ADAM19: variants seen among roughly 807,000 people sequenced by gnomAD.
The protein encoded by ADAM19 is ADAM metallopeptidase domain 19.
Under a neutral mutation model 114.7 loss-of-function variants are expected in ADAM19, and 65 were observed. The ratio of observed to expected loss-of-function variants is 0.57; its 90% confidence interval spans 0.46 to 0.70. ADAM19 has a LOEUF of 0.70. Among genes scored for constraint, ADAM19 ranks in the 30% least tolerant of loss-of-function variants. ADAM19 has a pLI of 0.00. For synonymous variants in ADAM19, 466 were observed against 460.5 expected, an observed-to-expected ratio of 1.01 and a Z score of -0.15; for missense variants, 1,063 against 1,204.7, an observed-to-expected ratio of 0.88 and a Z score of 1.74.
chr5:157,534,948 G>A lies in ADAM19; in HGVS notation c.330+2965C>T, dbSNP rs114551186. Among the ~76,000 whole-genome samples, 869 of 152,296 alleles carry A rather than the reference G, an allele frequency of 5.7e-3. 11 individuals carry two copies. Among genetic ancestry groups the A allele is most frequent in the African/African-American group, 0.02 (819 of 41,574 alleles). On this transcript the variant is annotated intron_variant, in intron 4 of 22. Coordinates refer to ENST00000257527, the MANE Select transcript of ADAM19 (RefSeq NM_033274.5). ...TATCCCCACCTTCTCTAGCAACAAA[G>A]GAGACAAGTTCTAGCCTAAGCCTTG... is the stretch of plus-strand genomic sequence containing the variant.
chr5:157,481,153 AC>A, intron 22 of ADAM19, 151 bp from the exon 23 acceptor site: 1 of 1,002,510 alleles, frequency 1.0e-6, no homozygotes, highest in South Asian at 1.6e-5. Context: ...GTGTCCACTC[AC>A]CCAGACCATC....
intron 7 of ADAM19, among the ~76,000 whole-genome samples, chr5:157,515,393 A>T (rs2113734577): frequency 6.6e-6 from 1 of 152,330 alleles, no homozygotes; most frequent in Non-Finnish European, 1.5e-5. Flanking sequence ...TAATTTAAGG[A>T]GCGAATTCTG....
At chr5:157,519,445 C>T (rs6881590) in intron 6 of ADAM19, among the ~76,000 whole-genome samples, 23,671 of 152,130 alleles carry the variant, frequency 0.16, 1,965 homozygotes, top group Middle Eastern at 0.2. Flanking sequence ...CCATCATGCC[C>T]AGCTAATTTT....
chr5:157,494,544 C>T (rs1024115200), intron 15 of ADAM19, 143 bp downstream of exon 15: 5 of 618,688 alleles, frequency 8.1e-6, no homozygotes, highest in African/African-American at 1.8e-5. Context: ...AACAGGGGGC[C>T]GAGAATAGAT....
chr5:157,486,408 G>C (rs1351249446), intron 21 of ADAM19, among the ~76,000 whole-genome samples: 2 of 152,182 alleles, frequency 1.3e-5, no homozygotes, highest in Non-Finnish European at 2.9e-5. Context: ...AGGAGAAGCT[G>C]TGCTTGGGGG....
intron 3 of ADAM19, among the ~76,000 whole-genome samples, chr5:157,561,426 C>T (rs115229597): frequency 0.015 from 2,302 of 152,244 alleles, 50 homozygotes; most frequent in African/African-American, 0.052. Context: ...AGGCCAGACA[C>T]GGCAGGATGA....
intron 8 of ADAM19, among the ~76,000 whole-genome samples, chr5:157,509,799 G>A (rs910306881): frequency 5.9e-5 from 9 of 152,190 alleles, no homozygotes; most frequent in Non-Finnish European, 1.2e-4. Context: ...ACATAAAATT[G>A]CTTTCAGATA....
intron 22 of ADAM19, 193 bp downstream of exon 22, chr5:157,481,598 C>T (rs559126663): frequency 7.8e-6 from 12 of 1,529,810 alleles, no homozygotes; most frequent in Admixed American, 2.0e-5. Flanking sequence ...CTAAGAATCA[C>T]CTTTCACATG....
intron 21 of ADAM19, among the ~76,000 whole-genome samples, chr5:157,483,775 A>G (rs951662059): frequency 6.6e-5 from 10 of 151,836 alleles, no homozygotes; most frequent in African/African-American, 2.4e-4. Context: ...TTGGGATTAC[A>G]GGCACCCACC....
chr5:157,534,131 ATACAC>A (rs1232327980), intron 4 of ADAM19, among the ~76,000 whole-genome samples: 1 of 152,158 alleles, frequency 6.6e-6, no homozygotes, highest in East Asian at 1.9e-4. Context: ...GAGCTTTCAC[ATACAC>A]TATCTCTTGT....
intron 3 of ADAM19, among the ~76,000 whole-genome samples, chr5:157,559,772 T>C (rs1181130664): frequency 2.0e-5 from 3 of 152,166 alleles, no homozygotes; most frequent in African/African-American, 7.2e-5. Context: ...GCTCTGTAGT[T>C]TCCCTTCTTG....
chr5:157,567,869 C>T (rs936242821), intron 2 of ADAM19, among the ~76,000 whole-genome samples: 1 of 152,004 alleles, frequency 6.6e-6, no homozygotes, highest in Admixed American at 6.6e-5. Context: ...TTCCCTCATC[C>T]AAGAGGTAGG....
chr5:157,549,018 T>C (rs932061455), intron 3 of ADAM19, among the ~76,000 whole-genome samples: 4 of 152,190 alleles, frequency 2.6e-5, no homozygotes, highest in Non-Finnish European at 5.9e-5. Flanking sequence ...AAGCCATCAA[T>C]GCCTTGTGCT....
chr5:157,560,603 G>A (rs1251259863), intron 3 of ADAM19, among the ~76,000 whole-genome samples: 1 of 152,184 alleles, frequency 6.6e-6, no homozygotes, highest in Non-Finnish European at 1.5e-5. Flanking sequence ...GGAAATGCTG[G>A]AGCAATATGT....
chr5:157,507,449 T>G (rs1755782519), intron 9 of ADAM19, among the ~76,000 whole-genome samples: 1 of 152,244 alleles, frequency 6.6e-6, no homozygotes, highest in African/African-American at 2.4e-5. Context: ...AAAGCTGCAT[T>G]GCATTCCTGC....
Position 157,493,072 on chromosome 5 carries a change from G to C in ADAM19, c.1809C>G (p.Ile603Met). ...GGTAGACGTGGGTGCCCCGGCACTG[G>C]ATCTGCCTCCCATTCATGATGATAG... ...DTTIIMNGRQIQCRGTHVYRG... is the reference protein window; with the variant it reads ...DTTIIMNGRQMQCRGTHVYRG... The change falls in exon 16 of 23, where the codon ATC becomes ATG. Residue 603 changes from isoleucine to methionine, a missense_variant. Coordinates refer to ENST00000257527, the MANE Select transcript of ADAM19 (RefSeq NM_033274.5). The C allele has an allele frequency of 6.2e-7, 1 of 1,614,224 alleles. No individual in the cohort carries two copies.
At chr5:157,504,722 C>T (rs1755684799) in intron 11 of ADAM19, among the ~76,000 whole-genome samples, 2 of 152,178 alleles carry the variant, frequency 1.3e-5, no homozygotes, top group Admixed American at 1.3e-4. Flanking sequence ...TGATGCCTTC[C>T]AAAGAGCCTG....
At chr5:157,518,782 A>C in intron 7 of ADAM19, 41 bp downstream of exon 7, 1 of 1,487,576 alleles carries the variant, frequency 6.7e-7, no homozygotes, top group Non-Finnish European at 9.4e-7. Context: ...GAAGCTATCA[A>C]GAGAGCAGTT....
intron 1 of ADAM19, among the ~76,000 whole-genome samples, chr5:157,575,223 G>A (rs1210586740): frequency 6.6e-6 from 1 of 152,208 alleles, no homozygotes; most frequent in Non-Finnish European, 1.5e-5. Context: ...CGAGTGCAGC[G>A]GGCGGTAGAG....
Sources: allele counts gnomAD v4.1 joint callset (sites outside exome capture counted in the v4.1 genomes callset), GRCh38; gene constraint gnomAD v4.1.1; transcripts MANE v1.5; gene names NCBI Gene and HGNC (gene_info 2026-07-23, HGNC 2026-07-21).